The following PHF20 variants were observed in gnomAD, a reference collection of about 807,000 sequenced individuals.
PHF20 encodes the protein PHD finger protein 20, also known as glioma-expressed antigen 2.
A neutral mutation model predicts 113.5 loss-of-function variants in PHF20; 23 were observed. The observed-to-expected ratio is 0.20, with a 90% CI of 0.15 to 0.29. The LOEUF is 0.29. PHF20 is among the 10% of genes least tolerant of loss of function. The probability of loss-of-function intolerance (pLI) is 1.00; values close to 1 mark genes in which losing one functional copy is unlikely to be tolerated. For missense variants in PHF20, 943 were observed against 1,219.6 expected, an observed-to-expected ratio of 0.77 and a Z score of 3.38; for synonymous variants, 434 against 457.3, an observed-to-expected ratio of 0.95 and a Z score of 0.65.
intron 1 of PHF20, among the ~76,000 whole-genome samples, chr20:35,789,197 C>A (rs1459337257): frequency 2.0e-5 from 3 of 151,976 alleles, no homozygotes; most frequent in Non-Finnish European, 4.4e-5. Flanking sequence ...AGGGAGGGGG[C>A]AGATCACCTG....
chr20:35,820,789 G>T (rs777437951), intron 2 of PHF20, among the ~76,000 whole-genome samples: 2 of 151,670 alleles, frequency 1.3e-5, no homozygotes, highest in Non-Finnish European at 2.9e-5. Flanking sequence ...CTCTATGTGT[G>T]TATGTGTTTT....
intron 1 of PHF20, among the ~76,000 whole-genome samples, chr20:35,783,842 G>A (rs566851968): frequency 1.3e-4 from 19 of 151,942 alleles, no homozygotes; most frequent in African/African-American, 4.1e-4. Context: ...AATTAGCCGG[G>A]CATGGTGGCA....
In PHF20 at chr20:35,947,970, T is replaced by G. The variant is rs1293552219; in HGVS notation, c.*343T>G. 1 of 206,182 alleles carries G rather than the reference T, an allele frequency of 4.9e-6. No homozygotes were observed. The highest frequency in any genetic ancestry group is 9.9e-6 in the Non-Finnish European group (1 of 101,408). 12.8% of individuals were successfully genotyped at this position (206,182 alleles called of 1,614,324 possible). A position where few individuals can be genotyped will look rare whatever the true frequency, so the allele number is the denominator to read the frequency against. ...CCAAAAAAGTTTAGTTGGAGACAGT[T>G]GTAAATTCAATTTGGAGTTTATTTA... On this transcript the variant is annotated 3_prime_UTR_variant, in exon 18 of 18. Transcript: ENST00000374012.
At chr20:35,906,584 G>A (rs983786782) in intron 10 of PHF20, among the ~76,000 whole-genome samples, 2 of 152,142 alleles carry the variant, frequency 1.3e-5, no homozygotes, top group African/African-American at 4.8e-5. Context: ...TCTCCCCGTT[G>A]TTGCCCCAGG....
intron 16 of PHF20, 141 bp downstream of exon 16, chr20:35,939,249 C>A: frequency 4.0e-6 from 4 of 1,005,014 alleles, no homozygotes; most frequent in African/African-American, 1.6e-5. Context: ...TTTGGTTTGC[C>A]AAAATGGGTG....
chr20:35,937,162 C>T (rs1159185483), intron 15 of PHF20, among the ~76,000 whole-genome samples: 1 of 151,902 alleles, frequency 6.6e-6, no homozygotes, highest in African/African-American at 2.4e-5. Flanking sequence ...TCTAAAGAGT[C>T]AAGTTATTAT....
At chr20:35,805,704 TC>T (rs1012914971) in intron 2 of PHF20, among the ~76,000 whole-genome samples, 14 of 152,016 alleles carry the variant, frequency 9.2e-5, no homozygotes, top group African/African-American at 3.4e-4. Context: ...GATCTCGAAT[TC>T]CTGGGCTCAG....
chr20:35,934,065 A>C (rs965665048), intron 15 of PHF20, among the ~76,000 whole-genome samples: 1 of 152,246 alleles, frequency 6.6e-6, no homozygotes. Context: ...AGTTGTAAAC[A>C]GTGGCAGACT....
chr20:35,927,003 C>T (rs6121090), intron 13 of PHF20, among the ~76,000 whole-genome samples: 1 of 152,116 alleles, frequency 6.6e-6, no homozygotes, highest in East Asian at 1.9e-4. Flanking sequence ...GCTCTCAGAC[C>T]TACTATCCTC....
chr20:35,882,686 G>A (rs2147017323), intron 9 of PHF20, among the ~76,000 whole-genome samples: 1 of 152,306 alleles, frequency 6.6e-6, no homozygotes, highest in East Asian at 1.9e-4. Context: ...AAAGTGGTGG[G>A]ATTGGAGGTG....
chr20:35,932,396 A>G (rs952665401), intron 15 of PHF20, among the ~76,000 whole-genome samples: 1 of 140,854 alleles, frequency 7.1e-6, no homozygotes, highest in African/African-American at 2.6e-5. Context: ...TTGCTGTAAG[A>G]TATACATAAT....
At position 35,938,800 on chromosome 20, in the gene PHF20, A is replaced by G; in HGVS notation, c.2404A>G (p.Ser802Gly). 6.2e-7 allele frequency: 1 copy of G among 1,614,216 alleles called. No homozygotes were observed. Among genetic ancestry groups the G allele is most frequent in the Non-Finnish European group, 8.5e-7 (1 of 1,180,034 alleles). ...FRNIPVTDTR[S>G]KEEAPSYRTL... ...AAACATCCCTGTCACTGACACCAGG[A>G]GCAAGGAGGAAGCTCCAAGCTATAG... The change falls in exon 16 of 18, where the codon AGC becomes GGC. Residue 802 changes from serine (S) to glycine (G), a missense_variant. Coordinates refer to ENST00000374012, the MANE Select transcript of PHF20 (RefSeq NM_016436.5).
intron 2 of PHF20, 57 bp from the exon 3 acceptor site, chr20:35,842,516 A>AT: frequency 7.0e-7 from 1 of 1,431,312 alleles, no homozygotes; most frequent in Non-Finnish European, 9.6e-7. Flanking sequence ...CATTATGGAT[A>AT]TTTGGATATT....
In PHF20 at chr20:35,938,703, G is replaced by A. The variant is rs1397366337; in HGVS notation, c.2307G>A (p.Arg769=). Reference sequence around the variant, plus strand: ...CTCTTTGTCCTCTCAACAGAAGCCGGGAGCATCCTGATCTGCCGCTGTGGT... The same window carrying A: ...CTCTTTGTCCTCTCAACAGAAGCCGAGAGCATCCTGATCTGCCGCTGTGGT... ...LQLKMSILQS[R]EHPDLPLWCQ... The change falls in exon 16 of 18, where the codon CGG becomes CGA. Residue 769 remains arginine, a synonymous_variant. Transcript: ENST00000374012. 2 of 1,605,956 alleles carry A rather than the reference G, an allele frequency of 1.2e-6. No homozygotes were observed. Among genetic ancestry groups the A allele is most frequent in the Non-Finnish European group, 1.7e-6 (2 of 1,176,252 alleles).
chr20:35,848,195 A>G (rs2146946438), intron 4 of PHF20, among the ~76,000 whole-genome samples: 1 of 152,290 alleles, frequency 6.6e-6, no homozygotes, highest in Non-Finnish European at 1.5e-5. Flanking sequence ...TGATGAAGTT[A>G]TTCAGATATT....
intron 4 of PHF20, among the ~76,000 whole-genome samples, chr20:35,855,023 G>T (rs2146958120): frequency 6.6e-6 from 1 of 152,334 alleles, no homozygotes; most frequent in Non-Finnish European, 1.5e-5. Context: ...TCATTTTGAT[G>T]TAACTGATCC....
At chr20:35,900,423 C>CA (rs1600902470) in intron 10 of PHF20, among the ~76,000 whole-genome samples, 1 of 152,150 alleles carries the variant, frequency 6.6e-6, no homozygotes, top group East Asian at 1.9e-4. Flanking sequence ...GTAGAGTATA[C>CA]AATCAGGTTT....
At chr20:35,927,971 G>T in intron 14 of PHF20, 92 bp downstream of exon 14, 1 of 900,956 alleles carries the variant, frequency 1.1e-6, no homozygotes, top group South Asian at 1.3e-5. Context: ...GCGGTCTTGA[G>T]ACTCATTTCT....
intron 3 of PHF20, among the ~76,000 whole-genome samples, chr20:35,843,694 C>T (rs1432191375): frequency 6.6e-6 from 1 of 151,900 alleles, no homozygotes. Context: ...GCGATCTTTC[C>T]ACTTCAACTT....
Sources: gnomAD v4.1 joint callset for allele counts (sites outside exome capture counted in the v4.1 genomes callset) on GRCh38, gnomAD v4.1.1 for gene constraint, MANE v1.5 for transcripts, NCBI Gene and HGNC (gene_info 2026-07-23, HGNC 2026-07-21) for gene names.